The following BBS2 variants were observed in gnomAD, a reference collection of about 807,000 sequenced individuals.
BBS2 encodes the protein Bardet-Biedl syndrome 2, also known as BBSome complex member BBS2.
A neutral mutation model predicts 83.0 loss-of-function variants in BBS2; 62 were observed. That is an observed-to-expected ratio of 0.75 (90% confidence interval 0.61 to 0.92). The LOEUF (loss-of-function observed/expected upper bound fraction) is 0.92, where lower values mean the gene tolerates loss of function less well. Ranked by LOEUF, BBS2 falls within the 40% of genes least tolerant of loss-of-function variation. The probability of loss-of-function intolerance (pLI) is 0.00; values close to 1 mark genes in which losing one functional copy is unlikely to be tolerated. For synonymous variants in BBS2, 303 were observed against 326.1 expected, an observed-to-expected ratio of 0.93 and a Z score of 0.76; for missense variants, 784 against 901.0, an observed-to-expected ratio of 0.87 and a Z score of 1.66.
intron 12 of BBS2, chr16:56,499,490 A>T: frequency 2.7e-6 from 1 of 377,196 alleles, no homozygotes; most frequent in Non-Finnish European, 5.1e-6. Flanking sequence ...CTCTTGAAAT[A>T]CTACACCAGG....
intron 5 of BBS2, among the ~76,000 whole-genome samples, chr16:56,506,516 AAGG>A (rs1224995521): frequency 1.3e-5 from 2 of 152,224 alleles, no homozygotes; most frequent in African/African-American, 4.8e-5. Flanking sequence ...CTGAAGGACT[AAGG>A]AAAACATAAG....
At chr16:56,497,384 G>A in intron 14 of BBS2, 1 of 500,524 alleles carries the variant, frequency 2.0e-6, no homozygotes, top group Non-Finnish European at 3.6e-6. Flanking sequence ...GGGCCAATCA[G>A]AATCATCTTT....
At chr16:56,477,497 G>A (rs1198248702) in intron 17 of BBS2, 5 of 152,184 alleles carry the variant, frequency 3.3e-5, no homozygotes, top group Non-Finnish European at 5.9e-5. Flanking sequence ...TTAGCCTCAC[G>A]TGTTGCTTCT....
At chr16:56,481,543 C>T (rs993229670), downstream of BBS2, among the ~76,000 whole-genome samples, 3 of 152,126 alleles carry the variant, frequency 2.0e-5, no homozygotes, top group African/African-American at 7.2e-5. Flanking sequence ...AAAGCTTTCT[C>T]TCAGATATCA....
At chr16:56,479,613 A>G (rs1963611099), downstream of BBS2, among the ~76,000 whole-genome samples, 2 of 152,250 alleles carry the variant, frequency 1.3e-5, no homozygotes, top group South Asian at 4.1e-4. Flanking sequence ...TCATGTATCA[A>G]CTTGGCTAGA....
Position 56,484,588 on chromosome 16 carries a change from T to C in BBS2, c.*173A>G. The C allele has an allele frequency of 3.3e-6, 2 of 607,868 alleles. No individual in the cohort carries two copies. The highest frequency in any genetic ancestry group is 1.8e-5 in the African/African-American group (1 of 54,220). 37.7% of individuals were successfully genotyped at this position (607,868 alleles called of 1,614,324 possible). A position where few individuals can be genotyped will look rare whatever the true frequency, so the allele number is the denominator to read the frequency against. On this transcript the variant is annotated 3_prime_UTR_variant, in exon 17 of 17. Coordinates refer to ENST00000245157, the MANE Select transcript of BBS2 (RefSeq NM_031885.5). ...AACAGTACTACTACTGATTTAAAAATAGAAAGCAAGTCTATCTTCACATGT... is the reference window on the plus strand; with the variant it reads ...AACAGTACTACTACTGATTTAAAAACAGAAAGCAAGTCTATCTTCACATGT...
intron 15 of BBS2, among the ~76,000 whole-genome samples, chr16:56,490,923 G>A (rs1479426888): frequency 3.3e-5 from 5 of 151,636 alleles, no homozygotes; most frequent in Admixed American, 1.3e-4. Flanking sequence ...CACCACGACC[G>A]GCTGATTTTT....
downstream of BBS2, among the ~76,000 whole-genome samples, chr16:56,479,455 G>A (rs1215285364): frequency 6.6e-6 from 1 of 152,180 alleles, no homozygotes; most frequent in African/African-American, 2.4e-5. Context: ...TCCAGCCTGG[G>A]CAACAGAACA....
Position 56,484,857 on chromosome 16 carries a change from T to C in BBS2, c.2070A>G (p.Pro690=), listed in dbSNP as rs755071554. Reference sequence around the variant, plus strand: ...GACAAGCAGTGATCACCTGGTTCTTTGGTTTTCCAACTGCATAAGAAGAAA... The same window carrying C: ...GACAAGCAGTGATCACCTGGTTCTTCGGTTTTCCAACTGCATAAGAAGAAA... ...QRAGRLRVGK[P]KNQVITACRD... is the part of the protein sequence containing the mutation. The change falls in exon 17 of 17, where the codon CCA becomes CCG. Residue 690 remains proline (P), a synonymous_variant. Coordinates refer to ENST00000245157, the MANE Select transcript of BBS2 (RefSeq NM_031885.5). The C allele has an allele frequency of 6.2e-6, 10 of 1,613,788 alleles. No homozygotes were observed. The highest frequency in any genetic ancestry group is 8.5e-6 in the Non-Finnish European group (10 of 1,179,818).
intron 8 of BBS2, 99 bp from the exon 9 acceptor site, chr16:56,502,555 G>A (rs1439661267): frequency 1.1e-5 from 18 of 1,610,060 alleles, no homozygotes; most frequent in African/African-American, 2.7e-5. Flanking sequence ...CCCAACTTTG[G>A]TGAATTTATT....
chr16:56,498,007 A>T, intron 13 of BBS2, 127 bp from the exon 14 acceptor site: 1 of 1,029,642 alleles, frequency 9.7e-7, no homozygotes, highest in Non-Finnish European at 1.4e-6. Flanking sequence ...CAGTGTTGAA[A>T]AAGGAAAGTT....
intron 14 of BBS2, chr16:56,497,362 T>C (rs1488393381): frequency 5.8e-6 from 3 of 518,058 alleles, no homozygotes; most frequent in Non-Finnish European, 7.0e-6. Flanking sequence ...AGTGGGAATA[T>C]TGTATACTTT....
At chr16:56,499,376 G>GA in intron 12 of BBS2, 1 of 289,024 alleles carries the variant, frequency 3.5e-6, no homozygotes, top group South Asian at 3.4e-5. Context: ...CTGGTGAGGG[G>GA]ACTTCCCCAA....
intron 15 of BBS2, 90 bp downstream of exon 15, chr16:56,496,877 T>C (rs930920810): frequency 1.4e-5 from 14 of 981,790 alleles, no homozygotes; most frequent in Non-Finnish European, 2.3e-5. Context: ...TGTAACAATT[T>C]ATACTTCTAT....
In BBS2 at chr16:56,487,791, G is replaced by C. The variant is rs1274511315; in HGVS notation, c.1911-2053C>G. Among the ~76,000 whole-genome samples the C allele has an allele frequency of 2.6e-5, 4 of 152,106 alleles. No homozygotes were observed. In the East Asian group the frequency reaches 7.7e-4, roughly 29 times the overall value. On this transcript the variant is annotated intron_variant, in intron 15 of 16. Transcript: ENST00000245157. ...AGAACAAACAAGCACAAGTAGCTAG[G>C]AAAAACCATGAAAAAGAAAAGCAAC...
downstream of BBS2, among the ~76,000 whole-genome samples, chr16:56,483,388 TA>T (rs1222278932): frequency 7.9e-5 from 12 of 152,162 alleles, no homozygotes; most frequent in Admixed American, 5.2e-4. Context: ...CCCTCCACTG[TA>T]TGTACTGAAT....
chr16:56,483,965 T>C (rs1463610378), downstream of BBS2, among the ~76,000 whole-genome samples: 1 of 150,540 alleles, frequency 6.6e-6, no homozygotes, highest in Non-Finnish European at 1.5e-5. Context: ...CCTCCCAAAG[T>C]GCTAGGATTA....
chr16:56,471,961 T>TTGTG (rs1963211926), intron 17 of BBS2, among the ~76,000 whole-genome samples: 1 of 152,062 alleles, frequency 6.6e-6, no homozygotes, highest in South Asian at 2.1e-4. Flanking sequence ...TTCTGTTTGT[T>TTGTG]TGTTTGTTTG....
Position 56,519,764 on chromosome 16 carries a change from GGCCGCCAGGCACGGGT to G in BBS2, c.83_98del (p.His28ProfsTer46). On this transcript the variant is annotated frameshift_variant, in exon 1 of 17. Coordinates refer to ENST00000245157, the MANE Select transcript of BBS2 (RefSeq NM_031885.5). LOFTEE classifies it high-confidence loss of function. ...CGGTTACCTTGCCCGTTTGGGTGGC[GGCCGCCAGGCACGGGT>G]GAGTCCCGTCGTAGCGCCCTATGGC... The G allele has an allele frequency of 6.2e-7, 1 of 1,613,306 alleles. No homozygotes were observed. The highest frequency in any genetic ancestry group is 8.5e-7 in the Non-Finnish European group (1 of 1,179,540).
Sources: gnomAD v4.1 joint callset for allele counts (sites outside exome capture counted in the v4.1 genomes callset) on GRCh38, gnomAD v4.1.1 for gene constraint, MANE v1.5 for transcripts, NCBI Gene and HGNC (gene_info 2026-07-23, HGNC 2026-07-21) for gene names.